Variants in MANBA observed in about 807,000 individuals in gnomAD.
MANBA encodes the protein mannosidase beta, also known as beta-mannosidase.
A neutral mutation model predicts 111.1 loss-of-function variants in MANBA; 83 were observed. That is an observed-to-expected ratio of 0.75 (90% CI 0.63 to 0.90). The LOEUF (loss-of-function observed/expected upper bound fraction) is 0.90, where lower values mean the gene tolerates loss of function less well. Among genes scored for constraint, MANBA ranks in the 40% least tolerant of loss-of-function variants. The pLI, the probability that MANBA is intolerant of heterozygous loss-of-function variation, is 0.00. For synonymous variants in MANBA, 370 were observed against 378.7 expected (o/e 0.98, Z 0.27); for missense variants, 1,036 against 1,069.0 (o/e 0.97, Z 0.43).
At chr4:102,729,899 C>A in intron 1 of MANBA, 1 of 1,527,738 alleles carries the variant, frequency 6.5e-7, no homozygotes. Flanking sequence ...TCTGCTGCTT[C>A]TCCTGGGTGC....
chr4:102,716,655 A>C (rs527452963), intron 4 of MANBA, among the ~76,000 whole-genome samples: 19 of 152,376 alleles, frequency 1.2e-4, no homozygotes, highest in Middle Eastern at 3.4e-3. Flanking sequence ...CTACTTCTTA[A>C]AAGAAAAAAA....
chr4:102,668,148 T>C (rs550377197), intron 10 of MANBA: 1 of 152,324 alleles, frequency 6.6e-6, no homozygotes, highest in African/African-American at 2.4e-5. Flanking sequence ...GGAAATATAA[T>C]GCAATCTGTG....
intron 1 of MANBA, among the ~76,000 whole-genome samples, chr4:102,747,421 C>T (rs1451596421): frequency 6.6e-6 from 1 of 152,094 alleles, no homozygotes; most frequent in African/African-American, 2.4e-5. Context: ...TAGATTGTGC[C>T]CATCCAGATT....
At position 102,632,398 on chromosome 4, in the gene MANBA, T is replaced by C. The variant is rs994291898; in HGVS notation, c.2416-117A>G. 4 of 828,132 alleles carry C rather than the reference T, an allele frequency of 4.8e-6. No individual in the cohort carries two copies. The Admixed American group carries it at 6.2e-5, about 13-fold the overall frequency. 51.3% of individuals were successfully genotyped at this position (828,132 alleles called of 1,614,324 possible). A position where few individuals can be genotyped will look rare whatever the true frequency, so the allele number is the denominator to read the frequency against. ...AACAAGGAGTCCACTTCCCACAACTTTGGTTCTACAACTGCTAAAGTGCAG... is the reference window on the plus strand; with the variant it reads ...AACAAGGAGTCCACTTCCCACAACTCTGGTTCTACAACTGCTAAAGTGCAG... On this transcript the variant is annotated intron_variant, in intron 16 of 16. Transcript: ENST00000647097.
intron 5 of MANBA, among the ~76,000 whole-genome samples, chr4:102,703,992 G>A (rs979676669): frequency 1.3e-5 from 2 of 152,118 alleles, no homozygotes; most frequent in Non-Finnish European, 2.9e-5. Context: ...CTACTCGGGA[G>A]GCTAAGGCAG....
chr4:102,747,712 A>T (rs1412517208), intron 1 of MANBA, among the ~76,000 whole-genome samples: 2 of 152,236 alleles, frequency 1.3e-5, no homozygotes, highest in African/African-American at 4.8e-5. Flanking sequence ...GTCAGCCTTA[A>T]CATTATCTTT....
chr4:102,684,485 C>T (rs1056343540), intron 7 of MANBA, among the ~76,000 whole-genome samples: 10 of 152,098 alleles, frequency 6.6e-5, no homozygotes, highest in Admixed American at 3.9e-4. Context: ...ATATGTGCTC[C>T]GAGTGTTATA....
At chr4:102,650,157 G>A (rs528307314) in intron 13 of MANBA, among the ~76,000 whole-genome samples, 1 of 152,258 alleles carries the variant, frequency 6.6e-6, no homozygotes, top group South Asian at 2.1e-4. Context: ...CAATTGTGGT[G>A]GCATCACAGC....
intron 1 of MANBA, chr4:102,728,641 G>C: frequency 1.9e-6 from 1 of 523,550 alleles, no homozygotes; most frequent in South Asian, 1.9e-5. Context: ...TGGGTGGGTT[G>C]AGGGCTAGGG....
Position 102,753,002 on chromosome 4 carries a change from A to C in MANBA, c.177+7716T>G, listed in dbSNP as rs893621572. ...AATAAAATTTACGGAAAAAGTACTA[A>C]GTATCTGTTGCCTACCACTTTTTAG... On this transcript the variant is annotated intron_variant, in intron 1 of 16. Transcript: ENST00000647097. Among the ~76,000 whole-genome samples, 18 of 152,308 alleles carry C rather than the reference A, an allele frequency of 1.2e-4. 1 individual carries two copies. In the East Asian group the frequency reaches 3.5e-3, roughly 29 times the overall value.
chr4:102,708,931 C>T (rs938450229), intron 5 of MANBA, among the ~76,000 whole-genome samples: 3 of 151,704 alleles, frequency 2.0e-5, no homozygotes, highest in Non-Finnish European at 4.4e-5. Flanking sequence ...AACAGATCAC[C>T]AGAGACTATT....
chr4:102,692,163 C>T (rs1184141568), intron 5 of MANBA, among the ~76,000 whole-genome samples: 2 of 151,984 alleles, frequency 1.3e-5, no homozygotes, highest in Non-Finnish European at 1.5e-5. Context: ...CAGTGATATA[C>T]AAGGATGAAT....
intron 1 of MANBA, among the ~76,000 whole-genome samples, chr4:102,734,090 T>C (rs1202530752): frequency 6.6e-6 from 1 of 152,236 alleles, no homozygotes; most frequent in African/African-American, 2.4e-5. Flanking sequence ...TGAACCCTAA[T>C]GTAAAGTGTG....
At chr4:102,734,867 G>C (rs1344952735) in intron 1 of MANBA, among the ~76,000 whole-genome samples, 1 of 152,158 alleles carries the variant, frequency 6.6e-6, no homozygotes, top group Non-Finnish European at 1.5e-5. Flanking sequence ...ACTGTATTAG[G>C]AGGTTTGTTT....
intron 1 of MANBA, among the ~76,000 whole-genome samples, chr4:102,755,537 A>T (rs868550340): frequency 7.9e-5 from 12 of 152,198 alleles, no homozygotes; most frequent in Admixed American, 3.3e-4. Context: ...AACCTAGGCA[A>T]TACCATTCAG....
At chr4:102,750,456 T>C (rs994116892) in intron 1 of MANBA, among the ~76,000 whole-genome samples, 2 of 152,180 alleles carry the variant, frequency 1.3e-5, no homozygotes, top group South Asian at 2.1e-4. Context: ...TTTAGTCATT[T>C]TGGATTATAA....
chr4:102,698,020 T>G (rs1180531490), intron 5 of MANBA, among the ~76,000 whole-genome samples: 5 of 151,846 alleles, frequency 3.3e-5, no homozygotes, highest in Non-Finnish European at 7.4e-5. Flanking sequence ...CCAGCACCTG[T>G]TGTTTCCTGA....
intron 5 of MANBA, among the ~76,000 whole-genome samples, chr4:102,693,154 G>A (rs992637374): frequency 3.3e-5 from 5 of 152,170 alleles, no homozygotes; most frequent in South Asian, 2.1e-4. Context: ...GTTACTTACC[G>A]ATAGCCTCCA....
intron 7 of MANBA, among the ~76,000 whole-genome samples, chr4:102,678,040 A>C (rs1731801559): frequency 6.6e-6 from 1 of 152,196 alleles, no homozygotes; most frequent in African/African-American, 2.4e-5. Context: ...TGAGTCCAGA[A>C]AAATTTGAGA....
Sources: allele counts gnomAD v4.1 joint callset (sites outside exome capture counted in the v4.1 genomes callset), GRCh38; gene constraint gnomAD v4.1.1; transcripts MANE v1.5; gene names NCBI Gene and HGNC (gene_info 2026-07-23, HGNC 2026-07-21).